The following HTR7 variants were observed in gnomAD, a reference collection of about 807,000 sequenced individuals.
HTR7 encodes the protein 5-HT-7.
Under a neutral mutation model 34.0 loss-of-function variants are expected in HTR7, and 16 were observed. That is an observed-to-expected ratio of 0.47 (90% confidence interval 0.32 to 0.71). HTR7 has a LOEUF of 0.71. Ranked by LOEUF, HTR7 falls within the 30% of genes least tolerant of loss-of-function variation. HTR7 has a pLI of 0.04. For synonymous variants in HTR7, 265 were observed against 260.2 expected (o/e 1.02, Z -0.18); for missense variants, 504 against 625.5 (o/e 0.81, Z 2.07).
chr10:90,807,240 T>C (rs1430978693), intron 1 of HTR7, among the ~76,000 whole-genome samples: 1 of 152,046 alleles, frequency 6.6e-6, no homozygotes, highest in East Asian at 1.9e-4. Flanking sequence ...ACAGCTGATA[T>C]AGAAGTTAGA....
At chr10:90,825,777 T>C (rs1279482427) in intron 1 of HTR7, among the ~76,000 whole-genome samples, 1 of 152,138 alleles carries the variant, frequency 6.6e-6, no homozygotes, top group Non-Finnish European at 1.5e-5. Context: ...ATTAGTGAGC[T>C]TGAAGACAGG....
intron 1 of HTR7, among the ~76,000 whole-genome samples, chr10:90,856,649 A>G (rs2120142904): frequency 6.6e-6 from 1 of 152,370 alleles, no homozygotes; most frequent in Non-Finnish European, 1.5e-5. Context: ...TGCAATGTGT[A>G]AGACATACAA....
intron 1 of HTR7, among the ~76,000 whole-genome samples, chr10:90,789,552 TTCTTTAAA>T (rs138591535): frequency 0.13 from 19,559 of 152,174 alleles, 1,528 homozygotes; most frequent in East Asian, 0.19. Flanking sequence ...CATGATCTGT[TTCTTTAAA>T]TGCTGTTAGC....
chr10:90,792,375 T>C (rs1845471859), intron 1 of HTR7, among the ~76,000 whole-genome samples: 1 of 152,078 alleles, frequency 6.6e-6, no homozygotes, highest in Non-Finnish European at 1.5e-5. Context: ...TTTGTTTTGT[T>C]TTTGGTTTGG....
intron 1 of HTR7, among the ~76,000 whole-genome samples, chr10:90,763,857 G>A (rs1029160544): frequency 1.3e-5 from 2 of 152,088 alleles, no homozygotes; most frequent in African/African-American, 4.8e-5. Flanking sequence ...TCTTTATCCG[G>A]TCTATCATTG....
chr10:90,741,338 G>C lies in HTR7; in HGVS notation c.*1144C>G. On this transcript the variant is annotated 3_prime_UTR_variant, in exon 4 of 4. Coordinates refer to ENST00000336152, the MANE Select transcript of HTR7 (RefSeq NM_019859.4). ...AGAGACCTTTTCTGTTTCCTCACCTGCCTTTCATGTCTACCATTTTTTGGT... is the reference window on the plus strand; with the variant it reads ...AGAGACCTTTTCTGTTTCCTCACCTCCCTTTCATGTCTACCATTTTTTGGT... 6.6e-6 allele frequency: 1 copy of C among 152,488 alleles called. No homozygotes were observed. Among genetic ancestry groups the C allele is most frequent in the East Asian group, 1.9e-4 (1 of 5,182 alleles). 9.4% of individuals were successfully genotyped at this position (152,488 alleles called of 1,614,324 possible).
intron 1 of HTR7, among the ~76,000 whole-genome samples, chr10:90,753,225 T>G (rs981949015): frequency 6.6e-6 from 1 of 151,152 alleles, no homozygotes; most frequent in African/African-American, 2.4e-5. Flanking sequence ...AAGCAATTGA[T>G]CAAAGAAGAA....
chr10:90,779,113 T>C (rs1845267589), intron 1 of HTR7, among the ~76,000 whole-genome samples: 1 of 152,194 alleles, frequency 6.6e-6, no homozygotes, highest in African/African-American at 2.4e-5. Context: ...ATTTTAAACA[T>C]GCCACTTCAT....
At chr10:90,787,091 G>A (rs1845391272) in intron 1 of HTR7, among the ~76,000 whole-genome samples, 1 of 152,128 alleles carries the variant, frequency 6.6e-6, no homozygotes, top group African/African-American at 2.4e-5. Context: ...ACTCACTCAG[G>A]TAGATTCACA....
intron 1 of HTR7, among the ~76,000 whole-genome samples, chr10:90,758,108 G>A (rs552414485): frequency 3.1e-3 from 472 of 152,142 alleles, no homozygotes; most frequent in Middle Eastern, 0.01. Context: ...AGTACTTTGG[G>A]AGGCCAAGGA....
intron 1 of HTR7, among the ~76,000 whole-genome samples, chr10:90,839,894 T>C (rs965421950): frequency 6.6e-6 from 1 of 152,116 alleles, no homozygotes; most frequent in African/African-American, 2.4e-5. Flanking sequence ...TGTAAAGCAG[T>C]ATCTATAACC....
intron 1 of HTR7, among the ~76,000 whole-genome samples, chr10:90,815,388 A>C (rs962290277): frequency 9.2e-5 from 14 of 152,168 alleles, no homozygotes; most frequent in Non-Finnish European, 2.1e-4. Flanking sequence ...TGGAATGTTT[A>C]AACAGGCATT....
At chr10:90,745,392 C>T in intron 2 of HTR7, among the ~76,000 whole-genome samples, 1 of 152,126 alleles carries the variant, frequency 6.6e-6, no homozygotes, top group Middle Eastern at 3.2e-3. Flanking sequence ...GAGGGCCCTG[C>T]CCCCATGACC....
At chr10:90,840,191 A>T (rs1292221365) in intron 1 of HTR7, among the ~76,000 whole-genome samples, 1 of 150,970 alleles carries the variant, frequency 6.6e-6, no homozygotes, top group African/African-American at 2.4e-5. Flanking sequence ...ACACACACAC[A>T]CACACACACA....
rs1002844162 is a variant in HTR7 at position 90,773,960 on chromosome 10, A to AT, written c.540-24367dup. 3.1e-4 allele frequency among the ~76,000 whole-genome samples: 47 copies of AT among 151,370 alleles called. No individual in the cohort carries two copies. The East Asian group carries it at 4.5e-3, about 14-fold the overall frequency. On this transcript the variant is annotated intron_variant, in intron 1 of 3. Transcript: ENST00000336152. ...TTTTACAGCAATTGAAAATAAGGCT[A>AT]TTTTTTTTTCCGATCTGCCAACTAT...
intron 1 of HTR7, among the ~76,000 whole-genome samples, chr10:90,758,016 C>G (rs138089294): frequency 1.3e-5 from 2 of 152,200 alleles, no homozygotes; most frequent in African/African-American, 4.8e-5. Context: ...CAGGGCAGAT[C>G]TAATGGATGA....
Position 90,787,160 on chromosome 10 carries a change from CT to C in HTR7, c.540-37567del, listed in dbSNP as rs1845392195. ...CATATTTACTAAAGAGGAGGGCCTACTATGTGCCAGACACACTGGGGATACA... is the reference window on the plus strand; with the variant it reads ...CATATTTACTAAAGAGGAGGGCCTACATGTGCCAGACACACTGGGGATACA... On this transcript the variant is annotated intron_variant, in intron 1 of 3. Transcript: ENST00000336152. Among the ~76,000 whole-genome samples the C allele has an allele frequency of 2.0e-5, 3 of 152,266 alleles. No individual in the cohort carries two copies. In the South Asian group the frequency reaches 6.2e-4, roughly 32 times the overall value.
intron 1 of HTR7, among the ~76,000 whole-genome samples, chr10:90,753,525 GA>G (rs1844777015): frequency 6.6e-6 from 1 of 152,026 alleles, no homozygotes; most frequent in Admixed American, 6.5e-5. Flanking sequence ...TTAGAAAACT[GA>G]AAAAGCAATC....
At chr10:90,782,324 C>T (rs532695913) in intron 1 of HTR7, among the ~76,000 whole-genome samples, 69 of 152,236 alleles carry the variant, frequency 4.5e-4, no homozygotes, top group African/African-American at 1.5e-3. Flanking sequence ...AATTATCGCA[C>T]TTGTAACATA....
Sources: gnomAD v4.1 joint callset for allele counts (sites outside exome capture counted in the v4.1 genomes callset) on GRCh38, gnomAD v4.1.1 for gene constraint, MANE v1.5 for transcripts, NCBI Gene and HGNC (gene_info 2026-07-23, HGNC 2026-07-21) for gene names.